The following NELL1 variants were observed in gnomAD, a reference collection of about 807,000 sequenced individuals.
NELL1 encodes neural EGFL like 1, also known as protein kinase C-binding protein NELL1.
A neutral mutation model predicts 107.4 loss-of-function variants in NELL1; 76 were observed. The observed-to-expected ratio is 0.71, with a 90% CI of 0.59 to 0.86. The LOEUF (loss-of-function observed/expected upper bound fraction) is 0.86. Among genes scored for constraint, NELL1 ranks in the 40% least tolerant of loss-of-function variants. The pLI is 0.00. For missense variants in NELL1, 1,024 were observed against 1,005.5 expected, an observed-to-expected ratio of 1.02 and a Z score of -0.25; for synonymous variants, 353 against 341.2, an observed-to-expected ratio of 1.03 and a Z score of -0.38.
At chr11:21,334,638 AATAC>A (rs1466980557) in intron 14 of NELL1, among the ~76,000 whole-genome samples, 1 of 151,954 alleles carries the variant, frequency 6.6e-6, no homozygotes, top group Admixed American at 6.6e-5. Flanking sequence ...ATATGTATGG[AATAC>A]ATACCCTCAC....
chr11:20,901,716 G>A (rs940336978), intron 5 of NELL1, among the ~76,000 whole-genome samples: 12 of 151,650 alleles, frequency 7.9e-5, no homozygotes, highest in African/African-American at 2.9e-4. Flanking sequence ...ATAGCAATCA[G>A]CAGAGTGTGA....
intron 5 of NELL1, among the ~76,000 whole-genome samples, chr11:20,888,021 A>G (rs1217544625): frequency 6.6e-6 from 1 of 152,312 alleles, no homozygotes; most frequent in South Asian, 2.1e-4. Context: ...AATCAAAATA[A>G]TAAAGAATGT....
intron 3 of NELL1, among the ~76,000 whole-genome samples, chr11:20,810,115 T>G (rs1342465851): frequency 2.0e-5 from 3 of 152,200 alleles, no homozygotes; most frequent in Non-Finnish European, 4.4e-5. Flanking sequence ...AAGCTCTTTT[T>G]TTTTTCATAT....
intron 14 of NELL1, among the ~76,000 whole-genome samples, chr11:21,308,825 AAC>A (rs1387430868): frequency 6.6e-6 from 1 of 151,988 alleles, no homozygotes; most frequent in Non-Finnish European, 1.5e-5. Context: ...TTCCTCCTTG[AAC>A]CACTCACATA....
intron 14 of NELL1, among the ~76,000 whole-genome samples, chr11:21,334,470 GAGTATGCTAAGATAATAC>G (rs1850341076): frequency 6.6e-6 from 1 of 151,900 alleles, no homozygotes; most frequent in African/African-American, 2.4e-5. Flanking sequence ...ATTCATAATA[GAGTATGCTAAGATAATAC>G]CCCCACCTAA....
chr11:20,732,740 A>G (rs1385554395), intron 2 of NELL1, among the ~76,000 whole-genome samples: 1 of 152,140 alleles, frequency 6.6e-6, no homozygotes, highest in East Asian at 1.9e-4. Flanking sequence ...CAGAGAGAAA[A>G]TCCTGGAAAG....
chr11:20,700,483 AAG>A (rs1189199556), intron 2 of NELL1, among the ~76,000 whole-genome samples: 1 of 144,608 alleles, frequency 6.9e-6, no homozygotes, highest in Non-Finnish European at 1.5e-5. Flanking sequence ...CATCTCAAAA[AAG>A]ACAAAGAAAA....
intron 5 of NELL1, 66 bp downstream of exon 5, chr11:20,885,606 A>T: frequency 1.0e-6 from 1 of 990,712 alleles, no homozygotes; most frequent in East Asian, 2.4e-5. Flanking sequence ...TGTGTTATTT[A>T]TTGGAGCCGT....
intron 4 of NELL1, among the ~76,000 whole-genome samples, chr11:20,858,755 C>G (rs933590575): frequency 2.6e-5 from 4 of 152,174 alleles, no homozygotes; most frequent in Non-Finnish European, 5.9e-5. Flanking sequence ...GTATAACTTA[C>G]ATGGTACTCC....
At chr11:21,232,181 T>TATATATATATATATATATATATATA (rs1375976378) in intron 14 of NELL1, among the ~76,000 whole-genome samples, 13 of 131,970 alleles carry the variant, frequency 9.9e-5, no homozygotes, top group Non-Finnish European at 1.1e-4. Flanking sequence ...TATATATAAA[T>TATATATATATATATATATATATATA]TAGCTGGGCG....
At chr11:20,736,879 CG>C (rs1188059024) in intron 2 of NELL1, among the ~76,000 whole-genome samples, 1 of 151,782 alleles carries the variant, frequency 6.6e-6, no homozygotes, top group Non-Finnish European at 1.5e-5. Context: ...CTCAGCCTCC[CG>C]AGTAGCTGGG....
chr11:20,942,240 C>G (rs1402287225), intron 10 of NELL1, among the ~76,000 whole-genome samples: 1 of 152,174 alleles, frequency 6.6e-6, no homozygotes, highest in Non-Finnish European at 1.5e-5. Flanking sequence ...TAAAGGTTAG[C>G]TTCCTTGAAC....
At chr11:21,378,164 G>C (rs181306898) in intron 15 of NELL1, among the ~76,000 whole-genome samples, 1 of 151,460 alleles carries the variant, frequency 6.6e-6, no homozygotes, top group Admixed American at 6.6e-5. Flanking sequence ...TTCTCCAGAC[G>C]TTGCCAAATA....
At chr11:20,757,193 G>T (rs7110232) in intron 2 of NELL1, among the ~76,000 whole-genome samples, 258 of 138,704 alleles carry the variant, frequency 1.9e-3, no homozygotes, top group Admixed American at 3.7e-3. Flanking sequence ...TTTTAAAATT[G>T]TGATACCATA....
At chr11:21,124,985 C>G (rs971246043) in intron 13 of NELL1, among the ~76,000 whole-genome samples, 2 of 152,048 alleles carry the variant, frequency 1.3e-5, no homozygotes, top group African/African-American at 4.8e-5. Flanking sequence ...CACTAATAAC[C>G]TAATCACTCC....
intron 4 of NELL1, among the ~76,000 whole-genome samples, chr11:20,883,619 C>T (rs2134104434): frequency 6.6e-6 from 1 of 152,338 alleles, no homozygotes; most frequent in South Asian, 2.1e-4. Context: ...CCATTTCTCC[C>T]TGGCCTCTTT....
intron 2 of NELL1, among the ~76,000 whole-genome samples, chr11:20,742,329 G>T (rs1241316049): frequency 6.6e-6 from 1 of 152,142 alleles, no homozygotes; most frequent in Non-Finnish European, 1.5e-5. Context: ...GGGAAACCAA[G>T]AGGAAAATGA....
intron 4 of NELL1, among the ~76,000 whole-genome samples, chr11:20,861,515 G>A (rs1848978452): frequency 6.6e-6 from 1 of 152,094 alleles, no homozygotes; most frequent in South Asian, 2.1e-4. Context: ...AGTGACTATA[G>A]AAACAGGGCA....
intron 16 of NELL1, among the ~76,000 whole-genome samples, chr11:21,552,690 C>T (rs1291551671): frequency 6.6e-6 from 1 of 151,660 alleles, no homozygotes; most frequent in Non-Finnish European, 1.5e-5. Flanking sequence ...GTTTGTTTAG[C>T]ATTTTATAGA....
Sources: gnomAD v4.1 joint callset for allele counts (sites outside exome capture counted in the v4.1 genomes callset) on GRCh38, gnomAD v4.1.1 for gene constraint, MANE v1.5 for transcripts, NCBI Gene and HGNC (gene_info 2026-07-23, HGNC 2026-07-21) for gene names.